ARMCX4: variants seen among roughly 807,000 people sequenced by gnomAD.
The protein encoded by ARMCX4 is armadillo repeat-containing X-linked protein 4.
In ARMCX4, 3 loss-of-function variants were observed where a neutral mutation model predicts 34.7. The observed-to-expected ratio is 0.09, with a 90% CI of 0.04 to 0.22. The LOEUF (loss-of-function observed/expected upper bound fraction) is 0.22. Among genes scored for constraint, ARMCX4 ranks in the 10% least tolerant of loss-of-function variants. The probability of loss-of-function intolerance (pLI) is 1.00; values close to 1 mark genes in which losing one functional copy is unlikely to be tolerated. For synonymous variants in ARMCX4, 513 were observed against 632.8 expected, an observed-to-expected ratio of 0.81 and a Z score of 2.84; for missense variants, 1,448 against 1,720.8, an observed-to-expected ratio of 0.84 and a Z score of 2.81.
chrX:101,515,398 C>T (rs1255020531), intron 11 of ARMCX4, among the ~76,000 whole-genome samples: 7 of 1,147 alleles, frequency 6.1e-3, no homozygotes, highest in Admixed American at 0.034. Context: ...TCTTTCCCTC[C>T]CTCCCTCCCT....
intron 3 of ARMCX4, among the ~76,000 whole-genome samples, chrX:101,444,374 C>T (rs1002702981): frequency 8.9e-5 from 10 of 112,733 alleles, no homozygotes; most frequent in Non-Finnish European, 1.7e-4. Context: ...AGAGAATCTC[C>T]GCACCTTTTA....
chrX:101,493,338 G>A lies in ARMCX4; in HGVS notation c.4749G>A (p.Gly1583=). The change falls in exon 6 of 6, where the codon GGG becomes GGA. Residue 1583 remains glycine, a synonymous_variant. Transcript: ENST00000423738. The stretch of plus-strand genomic sequence containing the variant: ...GATTTGAGGATCAGGCCATTGGAGG[G>A]GGGTTCTGGCCTGGTGCTGGGGACC... ...KPGFEDQAIG[G]GFWPGAGDQT... is the part of the protein sequence containing the mutation. The A allele has an allele frequency of 8.7e-7, 1 of 1,154,789 alleles. No individual in the cohort carries two copies. The highest frequency in any genetic ancestry group is 3.3e-5 in the East Asian group (1 of 30,710).
intron 11 of ARMCX4, among the ~76,000 whole-genome samples, chrX:101,515,343 T>TTTTCTTTCTTTCTTTCTTTCTTTC (rs782364891): frequency 0.087 from 1,469 of 16,876 alleles, 300 homozygotes; most frequent in East Asian, 0.17. Flanking sequence ...TTTCCTTTCC[T>TTTTCTTTCTTTCTTTCTTTCTTTC]TTTCTTTCTT....
intron 4 of ARMCX4, among the ~76,000 whole-genome samples, chrX:101,470,872 T>C (rs144710576): frequency 8.9e-6 from 1 of 111,962 alleles, no homozygotes; most frequent in East Asian, 2.8e-4. Context: ...GGTAAGCGAA[T>C]GTTAAACTTT....
downstream of ARMCX4, among the ~76,000 whole-genome samples, chrX:101,534,732 C>G (rs1306438270): frequency 4.5e-5 from 5 of 110,035 alleles, no homozygotes; most frequent in Non-Finnish European, 9.5e-5. Context: ...TTCTACATGA[C>G]AAAAATAAAA....
intron 4 of ARMCX4, among the ~76,000 whole-genome samples, chrX:101,467,175 G>A (rs1932806164): frequency 9.0e-6 from 1 of 111,647 alleles, no homozygotes; most frequent in African/African-American, 3.3e-5. Flanking sequence ...TTTGAGACAG[G>A]GTCTCGCTCT....
chrX:101,469,340 A>G (rs1242167952), intron 4 of ARMCX4, among the ~76,000 whole-genome samples: 1 of 112,353 alleles, frequency 8.9e-6, no homozygotes, highest in Non-Finnish European at 1.9e-5. Context: ...TAGCCACACT[A>G]TGGAATACAA....
chrX:101,529,956 C>T (rs912260917), intron 11 of ARMCX4, among the ~76,000 whole-genome samples: 1 of 111,604 alleles, frequency 9.0e-6, no homozygotes, highest in Admixed American at 9.5e-5. Flanking sequence ...ACTAGAAATA[C>T]CATTTGACCC....
At chrX:101,514,244 A>T (rs1177254081) in intron 11 of ARMCX4, among the ~76,000 whole-genome samples, 1 of 111,323 alleles carries the variant, frequency 9.0e-6, no homozygotes, top group Non-Finnish European at 1.9e-5. Flanking sequence ...GTAGTGAAAC[A>T]CTAGGGGTGA....
In ARMCX4 at chrX:101,493,063, G is replaced by GACCA. The variant is rs1934045222; in HGVS notation, c.4475_4478dup (p.Ser1494ProfsTer3). 1 of 1,152,834 alleles carries GACCA rather than the reference G, an allele frequency of 8.7e-7. No individual in the cohort carries two copies. The stretch of plus-strand genomic sequence containing the variant: ...TGGAGATTCTAGGCTGGGGCTTAGG[G>GACCA]ACCAGTCTAGTGGAGATTCCTGGGC... On this transcript the variant is annotated frameshift_variant, in exon 6 of 6. Coordinates refer to ENST00000423738, the MANE Select transcript of ARMCX4 (RefSeq NM_001256155.3). LOFTEE classifies it high-confidence loss of function.
intron 4 of ARMCX4, among the ~76,000 whole-genome samples, chrX:101,453,902 G>C (rs1932124965): frequency 9.0e-6 from 1 of 110,905 alleles, no homozygotes; most frequent in East Asian, 2.8e-4. Flanking sequence ...TCTGGTGCTT[G>C]ATAGGGAGGA....
intron 2 of ARMCX4, among the ~76,000 whole-genome samples, chrX:101,434,760 T>C (rs1930585264): frequency 9.2e-6 from 1 of 108,190 alleles, no homozygotes; most frequent in African/African-American, 3.4e-5. Context: ...TAACCTTAGG[T>C]ATATCTCCTA....
chrX:101,468,331 C>T (rs781929637), intron 4 of ARMCX4, among the ~76,000 whole-genome samples: 325 of 109,965 alleles, frequency 3.0e-3, no homozygotes, highest in African/African-American at 9.2e-3. Flanking sequence ...CATTCTGTCG[C>T]CCAGGCTGGA....
chrX:101,494,827 C>T lies in ARMCX4; in HGVS notation c.6238C>T (p.Arg2080Cys), dbSNP rs929966633. ...ADYSYSHEVV[R>C]NVGGISVIES... Reference sequence around the variant, plus strand: ...TTATTCTTATTCTCATGAAGTTGTTCGTAATGTAGGTGGAATTTCAGTTAT... The same window carrying T: ...TTATTCTTATTCTCATGAAGTTGTTTGTAATGTAGGTGGAATTTCAGTTAT... The change falls in exon 6 of 6, where the codon CGT becomes TGT. Residue 2080 changes from arginine to cysteine, a missense_variant. Physicochemically the swap from Arg to Cys is radical, Grantham distance 180. This residue lies in a region of ARMCX4 where 105 missense variants were observed against 180.2 expected (regional missense o/e 0.58). Coordinates refer to ENST00000423738, the MANE Select transcript of ARMCX4 (RefSeq NM_001256155.3). 1.6e-5 allele frequency: 18 copies of T among 1,151,791 alleles called. No individual in the cohort carries two copies. In the East Asian group the frequency reaches 5.2e-4, roughly 33 times the overall value. 94.9% of individuals were successfully genotyped at this position (1,151,791 alleles called of 1,213,427 possible). A position where few individuals can be genotyped will look rare whatever the true frequency, so the allele number is the denominator to read the frequency against.
intron 11 of ARMCX4, among the ~76,000 whole-genome samples, chrX:101,515,414 T>TCTTC (rs1159233873): frequency 0.023 from 278 of 12,304 alleles, 8 homozygotes; most frequent in African/African-American, 0.035. Flanking sequence ...TCCCTCCCTC[T>TCTTC]CTTCCTTCCT....
intron 4 of ARMCX4, among the ~76,000 whole-genome samples, chrX:101,454,802 C>T (rs144467226): frequency 0.042 from 4,621 of 111,224 alleles, 100 homozygotes; most frequent in Non-Finnish European, 0.061. Flanking sequence ...TTATTCCTCA[C>T]GTTTCTGGAG....
At chrX:101,509,071 C>T (rs1405094559) in intron 8 of ARMCX4, among the ~76,000 whole-genome samples, 1 of 111,575 alleles carries the variant, frequency 9.0e-6, no homozygotes, top group African/African-American at 3.3e-5. Flanking sequence ...ATGTATTTAT[C>T]ACCAATTTAT....
intron 4 of ARMCX4, among the ~76,000 whole-genome samples, chrX:101,462,280 A>G (rs1433021896): frequency 8.9e-6 from 1 of 111,823 alleles, no homozygotes; most frequent in Non-Finnish European, 1.9e-5. Flanking sequence ...AGATGAAAGG[A>G]TAAATTTAAT....
chrX:101,488,483 T>C lies in ARMCX4; in HGVS notation c.-107T>C. On this transcript the variant is annotated 5_prime_UTR_variant, in exon 6 of 6. Coordinates refer to ENST00000423738, the MANE Select transcript of ARMCX4 (RefSeq NM_001256155.3). ...GCAGCTGTAGTGGCCTTTGAGTGGC[T>C]GAAGACCAGCACCCTCACAGGCCTA... The C allele has an allele frequency of 8.8e-7, 1 of 1,135,050 alleles. No homozygotes were observed. Among genetic ancestry groups the C allele is most frequent in the Admixed American group, 2.7e-5 (1 of 37,308 alleles). The allele number at this position is 1,135,050 out of a possible 1,213,427, so 93.5% of individuals were successfully genotyped here.
Sources: allele counts gnomAD v4.1 joint callset (sites outside exome capture counted in the v4.1 genomes callset), GRCh38; gene constraint gnomAD v4.1.1; regional missense constraint gnomAD v4.1.1; transcripts MANE v1.5; gene names NCBI Gene and HGNC (gene_info 2026-07-23, HGNC 2026-07-21).